UBA6: variants seen among roughly 807,000 people sequenced by gnomAD.
UBA6 encodes ubiquitin like modifier activating enzyme 6.
UBA6 carries 87 observed loss-of-function variants against 148.3 expected under a neutral mutation model. The observed-to-expected ratio is 0.59, with a 90% CI of 0.49 to 0.70. The LOEUF is 0.70. UBA6 is among the 30% of genes least tolerant of loss of function. UBA6 has a pLI of 0.00. For missense variants in UBA6, 1,186 were observed against 1,241.2 expected, an observed-to-expected ratio of 0.96 and a Z score of 0.67; for synonymous variants, 376 against 401.0, an observed-to-expected ratio of 0.94 and a Z score of 0.75.
At chr4:67,632,958 G>A (rs1208392139) in intron 23 of UBA6, among the ~76,000 whole-genome samples, 1 of 152,092 alleles carries the variant, frequency 6.6e-6, no homozygotes, top group African/African-American at 2.4e-5. Flanking sequence ...CTAATATTTA[G>A]TAATTTTTTA....
intron 1 of UBA6, among the ~76,000 whole-genome samples, chr4:67,697,682 T>C (rs1028416858): frequency 6.6e-6 from 1 of 152,232 alleles, no homozygotes; most frequent in African/African-American, 2.4e-5. Context: ...ATCTGAGACC[T>C]GTTAGCTCTA....
chr4:67,670,605 A>G lies in UBA6; in HGVS notation c.547-13T>C. On this transcript the variant is annotated splice_polypyrimidine_tract_variant and intron_variant, in intron 7 of 32. Coordinates refer to ENST00000322244, the MANE Select transcript of UBA6 (RefSeq NM_018227.6). ...CTGCACTGATAAACTGTAAAATGGC[A>G]AAAACAAGTTCAATCTTATTTATAT... The G allele has an allele frequency of 6.3e-7, 1 of 1,594,542 alleles. No individual in the cohort carries two copies. Among genetic ancestry groups the G allele is most frequent in the Non-Finnish European group, 8.5e-7 (1 of 1,169,892 alleles).
chr4:67,652,724 C>T (rs867115895), intron 13 of UBA6, among the ~76,000 whole-genome samples: 3 of 152,332 alleles, frequency 2.0e-5, no homozygotes, highest in Middle Eastern at 3.4e-3. Context: ...GGCGGTATGT[C>T]ACCTCACCCA....
chr4:67,633,884 A>C (rs1212333365), intron 22 of UBA6, among the ~76,000 whole-genome samples: 2 of 152,106 alleles, frequency 1.3e-5, no homozygotes, highest in Non-Finnish European at 2.9e-5. Context: ...CTTGGAGATT[A>C]TTGTTCCCTC....
chr4:67,661,397 G>C (rs947525509), intron 13 of UBA6, among the ~76,000 whole-genome samples: 1 of 152,142 alleles, frequency 6.6e-6, no homozygotes, highest in African/African-American at 2.4e-5. Context: ...GAGATCTGAT[G>C]GTTTTGTAAG....
chr4:67,661,893 A>C (rs1729867460), intron 13 of UBA6: 1 of 403,322 alleles, frequency 2.5e-6, no homozygotes, highest in African/African-American at 2.1e-5. Context: ...ATCATAACAG[A>C]ATAATAAAGA....
chr4:67,668,767 T>A (rs760702931), intron 8 of UBA6, 93 bp from the exon 9 acceptor site: 3 of 1,294,512 alleles, frequency 2.3e-6, no homozygotes, highest in Non-Finnish European at 3.2e-6. Flanking sequence ...AAAGTTACCA[T>A]AAAATTCTCA....
rs749640153 is a variant in UBA6 at position 67,639,157 on chromosome 4, T to A, written c.1555-33A>T. The A allele has an allele frequency of 5.2e-6, 8 of 1,532,614 alleles. No individual in the cohort carries two copies. In the Admixed American group the frequency reaches 1.2e-4, roughly 22 times the overall value. The allele number at this position is 1,532,614 out of a possible 1,614,324, so 94.9% of individuals were successfully genotyped here. ...AATAATATAAGCAGAAGGAATATGTTAAACAACAAAAAAAGGACTATGATT... is the reference window on the plus strand; with the variant it reads ...AATAATATAAGCAGAAGGAATATGTAAAACAACAAAAAAAGGACTATGATT... On this transcript the variant is annotated intron_variant, in intron 18 of 32. Transcript: ENST00000322244.
intron 26 of UBA6, 84 bp from the exon 27 acceptor site, chr4:67,629,226 A>G: frequency 1.3e-6 from 1 of 796,478 alleles, no homozygotes; most frequent in Non-Finnish European, 2.2e-6. Flanking sequence ...GTCCTTAATC[A>G]TATTACAATA....
Position 67,614,553 on chromosome 4 carries a change from C to T in UBA6, c.*4444G>A, listed in dbSNP as rs1200643745. 6.6e-6 allele frequency: 1 copy of T among 152,076 alleles called. No homozygotes were observed. The highest frequency in any genetic ancestry group is 1.5e-5 in the Non-Finnish European group (1 of 68,018). 9.4% of individuals were successfully genotyped at this position (152,076 alleles called of 1,614,324 possible). A position where few individuals can be genotyped will look rare whatever the true frequency, so the allele number is the denominator to read the frequency against. On this transcript the variant is annotated 3_prime_UTR_variant, in exon 33 of 33. Coordinates refer to ENST00000322244, the MANE Select transcript of UBA6 (RefSeq NM_018227.6). ...TCAATAAACGGTAGTGAGGCATCTCCTAGCATACACCAAATTAATTCCTCA... is the reference window on the plus strand; with the variant it reads ...TCAATAAACGGTAGTGAGGCATCTCTTAGCATACACCAAATTAATTCCTCA...
intron 21 of UBA6, 27 bp downstream of exon 21, chr4:67,634,402 A>G: frequency 6.4e-7 from 1 of 1,562,540 alleles, no homozygotes. Flanking sequence ...CACTTCAAAG[A>G]AAATAAATTT....
chr4:67,680,679 A>G (rs2109949492), intron 4 of UBA6, among the ~76,000 whole-genome samples: 1 of 152,284 alleles, frequency 6.6e-6, no homozygotes, highest in South Asian at 2.1e-4. Flanking sequence ...GCTTCATAGT[A>G]TTTAGGCTTT....
intron 26 of UBA6, among the ~76,000 whole-genome samples, chr4:67,630,157 T>G (rs1728963270): frequency 1.3e-5 from 2 of 152,166 alleles, no homozygotes; most frequent in African/African-American, 4.8e-5. Flanking sequence ...TGTGGCTTTT[T>G]AGAATAACTA....
chr4:67,689,567 C>T (rs1054065339), intron 2 of UBA6, among the ~76,000 whole-genome samples: 14 of 152,156 alleles, frequency 9.2e-5, no homozygotes, highest in African/African-American at 3.4e-4. Flanking sequence ...TCAGAATTTT[C>T]CAGATATAAA....
At chr4:67,669,327 T>A (rs1302775299) in intron 8 of UBA6, among the ~76,000 whole-genome samples, 1 of 152,146 alleles carries the variant, frequency 6.6e-6, no homozygotes, top group East Asian at 1.9e-4. Context: ...TAATCACTCT[T>A]TGAGCAGAAA....
At chr4:67,657,826 CAAAAAAAAAAAAAAA>C (rs57984969) in intron 13 of UBA6, among the ~76,000 whole-genome samples, 1 of 115,156 alleles carries the variant, frequency 8.7e-6, no homozygotes, top group Non-Finnish European at 1.7e-5. Context: ...AACAAATTTA[CAAAAAAAAAAAAAAA>C]AAGAAAACAA....
At position 67,616,818 on chromosome 4, in the gene UBA6, AATTT is replaced by A. The variant is rs1371833912; in HGVS notation, c.*2175_*2178del. The A allele has an allele frequency of 6.6e-6, 1 of 152,160 alleles. No individual in the cohort carries two copies. Among genetic ancestry groups the A allele is most frequent in the Admixed American group, 6.5e-5 (1 of 15,280 alleles). 9.4% of individuals were successfully genotyped at this position (152,160 alleles called of 1,614,324 possible). On this transcript the variant is annotated 3_prime_UTR_variant, in exon 33 of 33. Transcript: ENST00000322244. The stretch of plus-strand genomic sequence containing the variant: ...TTACAAAGATATTCTTACATTTCTT[AATTT>A]ATTTTTAATAAGTAAAAAATACTCA...
At chr4:67,673,821 AT>A (rs112890671) in intron 6 of UBA6, 44 bp from the exon 7 acceptor site, 315,226 of 1,368,010 alleles carry the variant, frequency 0.23, 38,856 homozygotes, top group Non-Finnish European at 0.25. Context: ...ATACATAATT[AT>A]TTTTTGTAGT....
chr4:67,630,011 C>T (rs555543375), intron 26 of UBA6, among the ~76,000 whole-genome samples: 33 of 151,974 alleles, frequency 2.2e-4, no homozygotes, highest in Non-Finnish European at 4.3e-4. Flanking sequence ...GAGTATGATG[C>T]TAAAGTAAGA....
Sources: allele counts gnomAD v4.1 joint callset (sites outside exome capture counted in the v4.1 genomes callset), GRCh38; gene constraint gnomAD v4.1.1; transcripts MANE v1.5; gene names NCBI Gene and HGNC (gene_info 2026-07-23, HGNC 2026-07-21).